The following TTC7B variants were observed in gnomAD, a reference collection of about 807,000 sequenced individuals.
The protein encoded by TTC7B is tetratricopeptide repeat domain 7B, also known as tetratricopeptide repeat protein 7B.
Under a neutral mutation model 106.8 loss-of-function variants are expected in TTC7B, and 28 were observed. The ratio of observed to expected loss-of-function variants is 0.26; its 90% confidence interval spans 0.19 to 0.36. TTC7B has a LOEUF of 0.36. Ranked by LOEUF, TTC7B falls within the 10% of genes least tolerant of loss-of-function variation. The probability of loss-of-function intolerance (pLI) is 1.00; values close to 1 mark genes in which losing one functional copy is unlikely to be tolerated. For synonymous variants in TTC7B, 405 were observed against 430.6 expected, an observed-to-expected ratio of 0.94 and a Z score of 0.74; for missense variants, 862 against 1,076.4, an observed-to-expected ratio of 0.80 and a Z score of 2.79.
intron 4 of TTC7B, among the ~76,000 whole-genome samples, chr14:90,731,326 A>G (rs1889320118): frequency 6.6e-6 from 1 of 152,126 alleles, no homozygotes; most frequent in Non-Finnish European, 1.5e-5. Context: ...CATAAAAACC[A>G]ATGTTCTCCA....
intron 3 of TTC7B, chr14:90,772,789 T>G (rs1043966025): frequency 6.6e-6 from 1 of 152,240 alleles, no homozygotes; most frequent in East Asian, 1.9e-4. Flanking sequence ...CTGGGCAACA[T>G]GGCAAAACCT....
At chr14:90,707,997 T>A (rs991190465) in intron 5 of TTC7B, among the ~76,000 whole-genome samples, 5 of 151,562 alleles carry the variant, frequency 3.3e-5, no homozygotes, top group Admixed American at 3.3e-4. Flanking sequence ...ATACAAAAAA[T>A]TAGCCAGGCG....
intron 1 of TTC7B, among the ~76,000 whole-genome samples, chr14:90,811,504 GT>G (rs1422645208): frequency 1.3e-5 from 2 of 152,194 alleles, no homozygotes; most frequent in Non-Finnish European, 2.9e-5. Context: ...TCACAGGAGG[GT>G]GTGCATGACC....
In TTC7B at chr14:90,570,631, A is replaced by T. The variant is rs1269689585; in HGVS notation, c.2310+7475T>A. Among the ~76,000 whole-genome samples the T allele has an allele frequency of 6.6e-6, 1 of 152,118 alleles. No individual in the cohort carries two copies. Among genetic ancestry groups the T allele is most frequent in the Non-Finnish European group, 1.5e-5 (1 of 68,016 alleles). On this transcript the variant is annotated intron_variant, in intron 19 of 19. Transcript: ENST00000328459. The surrounding 1 kb of genome is among the most constrained non-coding windows in gnomAD (Gnocchi z 4.0). ...CATTTCGGCTCCTCCAACCAGTGAA[A>T]GTCAGTCACGCTGGTGCAGAAAGGG...
chr14:90,633,622 G>A (rs908085180), intron 15 of TTC7B, among the ~76,000 whole-genome samples: 19 of 152,094 alleles, frequency 1.2e-4, no homozygotes, highest in African/African-American at 4.3e-4. Flanking sequence ...CAAAGCTCTC[G>A]ACCAACAGTG....
chr14:90,631,356 A>G (rs1392501685), intron 15 of TTC7B, among the ~76,000 whole-genome samples: 1 of 150,472 alleles, frequency 6.6e-6, no homozygotes, highest in Non-Finnish European at 1.5e-5. Context: ...TGATAATTCT[A>G]TTTTTAATGT....
intron 19 of TTC7B, among the ~76,000 whole-genome samples, chr14:90,547,083 T>C (rs1164967659): frequency 6.6e-6 from 1 of 152,106 alleles, no homozygotes; most frequent in Non-Finnish European, 1.5e-5. Context: ...CCACTATGGG[T>C]TGGGAGCCGG....
chr14:90,773,785 G>A (rs1890938568), intron 3 of TTC7B, among the ~76,000 whole-genome samples: 1 of 152,088 alleles, frequency 6.6e-6, no homozygotes, highest in African/African-American at 2.4e-5. Flanking sequence ...CCTCCACACA[G>A]GTGAGGCCTG....
chr14:90,566,609 A>T (rs1429994095), intron 19 of TTC7B, among the ~76,000 whole-genome samples: 5 of 152,228 alleles, frequency 3.3e-5, no homozygotes, highest in Non-Finnish European at 7.3e-5. Flanking sequence ...TATAAATACC[A>T]CACAGATGAG....
chr14:90,775,099 G>C (rs1245652843), intron 3 of TTC7B, among the ~76,000 whole-genome samples: 1 of 151,236 alleles, frequency 6.6e-6, no homozygotes, highest in East Asian at 1.9e-4. Context: ...CCCACTTCCT[G>C]ATGGTCAAAC....
At chr14:90,628,869 A>C (rs1283270871) in intron 15 of TTC7B, among the ~76,000 whole-genome samples, 1 of 152,260 alleles carries the variant, frequency 6.6e-6, no homozygotes. Flanking sequence ...GCCAAGGGAC[A>C]CTGAAGGCAG....
At chr14:90,543,280 A>T (rs748433266) in intron 19 of TTC7B, among the ~76,000 whole-genome samples, 7 of 152,174 alleles carry the variant, frequency 4.6e-5, no homozygotes. Context: ...CACATGTTCA[A>T]TTCCATTTAT....
chr14:90,678,196 A>C (rs568666806), intron 8 of TTC7B, among the ~76,000 whole-genome samples: 1 of 152,252 alleles, frequency 6.6e-6, no homozygotes, highest in African/African-American at 2.4e-5. Flanking sequence ...AAACAGACCC[A>C]CAAATAATAA....
chr14:90,682,837 G>A (rs1887108088), intron 7 of TTC7B, among the ~76,000 whole-genome samples: 1 of 152,208 alleles, frequency 6.6e-6, no homozygotes, highest in South Asian at 2.1e-4. Context: ...ATGGGAGGGT[G>A]CGTCCTCGTC....
chr14:90,708,661 T>C (rs1304616615), intron 5 of TTC7B, among the ~76,000 whole-genome samples: 1 of 152,164 alleles, frequency 6.6e-6, no homozygotes, highest in African/African-American at 2.4e-5. Context: ...TGGAGATGTA[T>C]AAGGAGATAA....
At chr14:90,631,534 G>A (rs780175015) in intron 15 of TTC7B, among the ~76,000 whole-genome samples, 4 of 151,272 alleles carry the variant, frequency 2.6e-5, no homozygotes, top group African/African-American at 7.3e-5. Context: ...TTAGCCACCC[G>A]AGAAGCTGAG....
chr14:90,794,211 C>CTT (rs1186061223), intron 1 of TTC7B, among the ~76,000 whole-genome samples: 698 of 45,062 alleles, frequency 0.015, 24 homozygotes, highest in Non-Finnish European at 0.023. Flanking sequence ...CTGGGTATTT[C>CTT]TTTTTTTTTT....
chr14:90,749,475 A>G (rs1405735254), intron 3 of TTC7B, among the ~76,000 whole-genome samples: 1 of 145,944 alleles, frequency 6.9e-6, no homozygotes, highest in Non-Finnish European at 1.5e-5. Flanking sequence ...GCGCAATCTC[A>G]GCTCACTGCA....
intron 18 of TTC7B, among the ~76,000 whole-genome samples, chr14:90,589,330 T>A (rs193043048): frequency 6.6e-6 from 1 of 152,360 alleles, no homozygotes; most frequent in Admixed American, 6.5e-5. Flanking sequence ...CCAAAATCCA[T>A]GGATGTTCTA....
Sources: gnomAD v4.1 joint callset for allele counts (sites outside exome capture counted in the v4.1 genomes callset) on GRCh38, gnomAD v4.1.1 for gene constraint, Gnocchi (gnomAD v3.1) non-coding constraint, MANE v1.5 for transcripts, NCBI Gene and HGNC (gene_info 2026-07-23, HGNC 2026-07-21) for gene names.